Variants in OR6Y1 observed in about 807,000 individuals in gnomAD.
OR6Y1 encodes olfactory receptor 6Y1.
OR6Y1 carries 1 observed loss-of-function variant against 0.4 expected under a neutral mutation model. The ratio of observed to expected loss-of-function variants is 2.74; its 90% CI spans 0.97 to 13.02. OR6Y1 has a LOEUF of 13.02. OR6Y1 is among the 30% of genes most tolerant of loss of function. The pLI is 0.12. For synonymous variants in OR6Y1, 173 were observed against 141.1 expected, an observed-to-expected ratio of 1.23 and a Z score of -1.60; for missense variants, 480 against 399.8, an observed-to-expected ratio of 1.20 and a Z score of -1.71.
intron 1 of OR6Y1, among the ~76,000 whole-genome samples, chr1:158,551,406 G>T (rs1647701709): frequency 6.6e-6 from 1 of 151,452 alleles, no homozygotes. Context: ...TTTTTCCTCA[G>T]ATAAGGAAAT....
intron 1 of OR6Y1, among the ~76,000 whole-genome samples, chr1:158,552,601 G>T (rs934245505): frequency 6.6e-6 from 1 of 152,034 alleles, no homozygotes; most frequent in Non-Finnish European, 1.5e-5. Context: ...AAACGTATAT[G>T]GTCAAATTGC....
Position 158,545,967 on chromosome 1 carries a change from C to T in OR6Y1, c.*1161G>A, listed in dbSNP as rs1647518424. 6.6e-6 allele frequency: 1 copy of T among 152,182 alleles called. No individual in the cohort carries two copies. The highest frequency in any genetic ancestry group is 6.5e-5 in the Admixed American group (1 of 15,278). 9.4% of individuals were successfully genotyped at this position (152,182 alleles called of 1,614,324 possible). A position where few individuals can be genotyped will look rare whatever the true frequency, so the allele number is the denominator to read the frequency against. On this transcript the variant is annotated 3_prime_UTR_variant, in exon 2 of 2. Coordinates refer to ENST00000641622, the MANE Select transcript of OR6Y1 (RefSeq NM_001005189.2). ...AGTACTTGGGAGGGCCATACTCTCT[C>T]TCTCTCTTTCAGCTCTAGGCTAACA...
rs776028246 is a variant in OR6Y1 at position 158,547,552 on chromosome 1, T to G, written c.554A>C (p.Asp185Ala). The change falls in exon 2 of 2, where the codon GAT becomes GCT. Residue 185 changes from aspartate (D) to alanine (A), a missense_variant. Coordinates refer to ENST00000641622, the MANE Select transcript of OR6Y1 (RefSeq NM_001005189.2). ...GMPQINHYFC[D>A]ISPLLNVSCE... is the part of the protein sequence containing the mutation. ...GGAGACGTTAAGGAGTGGAGAGATA[T>G]CACAAAAGTAGTGATTGATCTGAGG... The G allele has an allele frequency of 3.1e-6, 5 of 1,613,294 alleles. No homozygotes were observed. Among genetic ancestry groups the G allele is most frequent in the Non-Finnish European group, 4.2e-6 (5 of 1,179,958 alleles).
Position 158,547,736 on chromosome 1 carries a change from C to G in OR6Y1, c.370G>C (p.Ala124Pro). The G allele has an allele frequency of 6.2e-7, 1 of 1,613,414 alleles. No individual in the cohort carries two copies. The highest frequency in any genetic ancestry group is 1.7e-4 in the Middle Eastern group (1 of 6,060). The stretch of plus-strand genomic sequence containing the variant: ...CAAATGGCTACATAGCGGTCAAAGG[C>G]CATGATAGCAAGAAGGATGTACTCA... Reference protein sequence around the residue: ...CTEYILLAIMAFDRYVAICNP... With the variant: ...CTEYILLAIMPFDRYVAICNP... The change falls in exon 2 of 2, where the codon GCC becomes CCC. Residue 124 changes from alanine (A) to proline (P), a missense_variant. By Grantham distance (27) the Ala-to-Pro change is conservative. Coordinates refer to ENST00000641622, the MANE Select transcript of OR6Y1 (RefSeq NM_001005189.2).
Position 158,547,795 on chromosome 1 carries a change from G to A in OR6Y1, c.311C>T (p.Thr104Ile), listed in dbSNP as rs55665765. Residue 104 changes from threonine (T) to isoleucine (I), a missense_variant, in exon 2 of 2, where the codon ACT (threonine) becomes ATT (isoleucine). Coordinates refer to ENST00000641622, the MANE Select transcript of OR6Y1 (RefSeq NM_001005189.2). ...AAAGGTCACAAAAAAGTAAAGTTGA[G>A]TCATGCAGCCATTGAAGGAAATACT... ...DKSISFNGCM[T>I]QLYFFVTFVC... 6,725 of 1,613,398 alleles carry A rather than the reference G, an allele frequency of 4.2e-3. 409 individuals carry two copies. In the African/African-American group the frequency reaches 0.079, roughly 19 times the overall value.
In OR6Y1 at chr1:158,547,617, A is replaced by G; in HGVS notation, c.489T>C (p.Ile163=). The G allele has an allele frequency of 6.2e-7, 1 of 1,613,292 alleles. No individual in the cohort carries two copies. The highest frequency in any genetic ancestry group is 1.1e-5 in the South Asian group (1 of 91,058). The change falls in exon 2 of 2, where the codon ATT becomes ATC. Residue 163 remains isoleucine (I), a synonymous_variant. Transcript: ENST00000641622. ...CWFCGLMTAM[I]KMVFIAQLHY... is the part of the protein sequence containing the mutation. Reference sequence around the variant, plus strand: ...GAAGTTGTGCTATAAAAACCATCTTAATCATGGCAGTCATGAGTCCACAGA... The same window carrying G: ...GAAGTTGTGCTATAAAAACCATCTTGATCATGGCAGTCATGAGTCCACAGA...
rs909537074 is a variant in OR6Y1, at chr1:158,547,000, T to C, written c.*128A>G. ...GATTGTGTATACACACACACACACA[T>C]GCACACACACACAGAGGAGAGCAGT... On this transcript the variant is annotated 3_prime_UTR_variant, in exon 2 of 2. Coordinates refer to ENST00000641622, the MANE Select transcript of OR6Y1 (RefSeq NM_001005189.2). 4.7e-5 allele frequency: 39 copies of C among 838,382 alleles called. No individual in the cohort carries two copies. The highest frequency in any genetic ancestry group is 8.5e-5 in the South Asian group (5 of 58,666). The allele number at this position is 838,382 out of a possible 1,614,324, so 51.9% of individuals were successfully genotyped here.
chr1:158,549,836 T>A (rs200424315), intron 1 of OR6Y1, among the ~76,000 whole-genome samples: 4 of 40,050 alleles, frequency 1.0e-4, no homozygotes, highest in Admixed American at 8.5e-4. Flanking sequence ...TTTAAAAAAA[T>A]ATCTTTGAGT....
rs1280713078 is a variant in OR6Y1, at chr1:158,545,245, G to A, written c.*1883C>T. The A allele has an allele frequency of 6.9e-6, 1 of 145,334 alleles. No homozygotes were observed. Among genetic ancestry groups the A allele is most frequent in the African/African-American group, 2.6e-5 (1 of 39,038 alleles). The allele number at this position is 145,334 out of a possible 1,614,324, so 9.0% of individuals were successfully genotyped here. On this transcript the variant is annotated 3_prime_UTR_variant, in exon 2 of 2. Transcript: ENST00000641622. ...ATAGCCATTTGGAGTGGTGTTAGAT[G>A]GTAACAAAATTAGACGTTACTTCAC... is the stretch of plus-strand genomic sequence containing the variant.
At position 158,548,799 on chromosome 1, in the gene OR6Y1, T is replaced by C. The variant is rs1485051318; in HGVS notation, c.-694A>G. The C allele has an allele frequency of 6.6e-6, 1 of 151,900 alleles. No individual in the cohort carries two copies. The highest frequency in any genetic ancestry group is 2.4e-5 in the African/African-American group (1 of 41,142). The allele number at this position is 151,900 out of a possible 1,614,324, so 9.4% of individuals were successfully genotyped here. A position where few individuals can be genotyped will look rare whatever the true frequency, so the allele number is the denominator to read the frequency against. Reference sequence around the variant, plus strand: ...GTGCATTCAAATCCAACTTTTGTCTTTGTATAGCTAAGTGAGAGTACCACA... The same window carrying C: ...GTGCATTCAAATCCAACTTTTGTCTCTGTATAGCTAAGTGAGAGTACCACA... On this transcript the variant is annotated 5_prime_UTR_variant, in exon 2 of 2. Coordinates refer to ENST00000641622, the MANE Select transcript of OR6Y1 (RefSeq NM_001005189.2).
At position 158,547,311 on chromosome 1, in the gene OR6Y1, G is replaced by T. The variant is rs1647568631; in HGVS notation, c.795C>A (p.Ala265=). 1.2e-6 allele frequency: 2 copies of T among 1,613,558 alleles called. No homozygotes were observed. The highest frequency in any genetic ancestry group is 4.5e-5 in the East Asian group (2 of 44,874). The change falls in exon 2 of 2, where the codon GCC becomes GCA. Residue 265 remains alanine (A), a synonymous_variant. Coordinates refer to ENST00000641622, the MANE Select transcript of OR6Y1 (RefSeq NM_001005189.2). Reference sequence around the variant, plus strand: ...TGTAGGCATACATGAGTTTGGGACGGGCATAGGTGAAAAGTGTCATGGAAT... The same window carrying T: ...TGTAGGCATACATGAGTTTGGGACGTGCATAGGTGAAAAGTGTCATGGAAT... ...LFYSMTLFTY[A]RPKLMYAYNS...
At position 158,548,184 on chromosome 1, in the gene OR6Y1, C is replaced by T; in HGVS notation, c.-79G>A. The T allele has an allele frequency of 2.8e-6, 4 of 1,410,270 alleles. No individual in the cohort carries two copies. Among genetic ancestry groups the T allele is most frequent in the Non-Finnish European group, 3.8e-6 (4 of 1,046,926 alleles). The allele number at this position is 1,410,270 out of a possible 1,614,324, so 87.4% of individuals were successfully genotyped here. Reference sequence around the variant, plus strand: ...CTATGGTTATTTGTATTGATAGAGCCCACCACCAGCAAATTTATCACAATA... The same window carrying T: ...CTATGGTTATTTGTATTGATAGAGCTCACCACCAGCAAATTTATCACAATA... On this transcript the variant is annotated 5_prime_UTR_variant, in exon 2 of 2. Coordinates refer to ENST00000641622, the MANE Select transcript of OR6Y1 (RefSeq NM_001005189.2).
At position 158,547,233 on chromosome 1, in the gene OR6Y1, G is replaced by T. The variant is rs777331640; in HGVS notation, c.873C>A (p.Asn291Lys). 2.5e-6 allele frequency: 4 copies of T among 1,613,670 alleles called. No individual in the cohort carries two copies. The East Asian group carries it at 6.7e-5, about 27-fold the overall frequency. Residue 291 changes from asparagine to lysine, a missense_variant, in exon 2 of 2, where the codon AAC becomes AAA. Coordinates refer to ENST00000641622, the MANE Select transcript of OR6Y1 (RefSeq NM_001005189.2). The stretch of plus-strand genomic sequence containing the variant: ...GGTTCCTCAGACAGTAAATGATGGG[G>T]TTGAGGAGTGGAACAATGACAGTGT... ...VLYTVIVPLLNPIIYCLRNHE... is the reference protein window; with the variant it reads ...VLYTVIVPLLKPIIYCLRNHE...
rs765364129 is a variant in OR6Y1, at chr1:158,547,095, T to C, written c.*33A>G. 6.3e-7 allele frequency: 1 copy of C among 1,584,176 alleles called. No homozygotes were observed. The highest frequency in any genetic ancestry group is 1.2e-5 in the South Asian group (1 of 84,590). On this transcript the variant is annotated 3_prime_UTR_variant, in exon 2 of 2. Transcript: ENST00000641622. ...GGGGAAAGTGTGTAGTGATCATCTC[T>C]CAGTTCAAGCCTGAAAGGAATCTAT...
In OR6Y1 at chr1:158,547,702, AG is replaced by A; in HGVS notation, c.403del (p.Leu135TyrfsTer7). 6.2e-7 allele frequency: 1 copy of A among 1,613,588 alleles called. No individual in the cohort carries two copies. On this transcript the variant is annotated frameshift_variant, in exon 2 of 2. Transcript: ENST00000641622. LOFTEE classifies it low-confidence loss of function (END_TRUNC). ...GTTGGTCATGATGACTGGGTAGCGT[AG>A]TGGATTACAAATGGCTACATAGCGG... ...FDRYVAICNP[L>X]RYPVIMTNQL...
At chr1:158,551,692 C>A (rs1199500111) in intron 1 of OR6Y1, among the ~76,000 whole-genome samples, 2 of 151,132 alleles carry the variant, frequency 1.3e-5, no homozygotes, top group Non-Finnish European at 2.9e-5. Flanking sequence ...ATGATTTTCT[C>A]AAAAAATATA....
At position 158,548,343 on chromosome 1, in the gene OR6Y1, G is replaced by T; in HGVS notation, c.-238C>A. On this transcript the variant is annotated 5_prime_UTR_variant, in exon 2 of 2. Coordinates refer to ENST00000641622, the MANE Select transcript of OR6Y1 (RefSeq NM_001005189.2). ...TTCTCAAGAGCAGTAACTTGTCCAAGGTCATACAAAATAGAGTTTATAACT... is the reference window on the plus strand; with the variant it reads ...TTCTCAAGAGCAGTAACTTGTCCAATGTCATACAAAATAGAGTTTATAACT... 2.2e-6 allele frequency: 1 copy of T among 464,130 alleles called. No individual in the cohort carries two copies. The highest frequency in any genetic ancestry group is 3.6e-5 in the East Asian group (1 of 27,406). 28.8% of individuals were successfully genotyped at this position (464,130 alleles called of 1,614,324 possible).
In OR6Y1 at chr1:158,548,532, G is replaced by C. The variant is rs1371211748; in HGVS notation, c.-427C>G. 6.2e-6 allele frequency: 1 copy of C among 162,334 alleles called. No individual in the cohort carries two copies. The highest frequency in any genetic ancestry group is 1.3e-5 in the Non-Finnish European group (1 of 74,388). 10.1% of individuals were successfully genotyped at this position (162,334 alleles called of 1,614,324 possible). On this transcript the variant is annotated 5_prime_UTR_variant, in exon 2 of 2. Transcript: ENST00000641622. ...TCTAGGGGCAATTTGGGTGACTCTG[G>C]AGTGGTTGCATGACCCCACTTATCT...
Position 158,547,677 on chromosome 1 carries a change from G to A in OR6Y1, c.429C>T (p.Asn143=). ...NPLRYPVIMT[N]QLCGTLAGGC... is the part of the protein sequence containing the mutation. The stretch of plus-strand genomic sequence containing the variant: ...CTCCAGCCAGTGTGCCACAGAGCTG[G>A]TTGGTCATGATGACTGGGTAGCGTA... The change falls in exon 2 of 2, where the codon AAC becomes AAT. Residue 143 remains asparagine (N), a synonymous_variant. Coordinates refer to ENST00000641622, the MANE Select transcript of OR6Y1 (RefSeq NM_001005189.2). The A allele has an allele frequency of 6.2e-7, 1 of 1,613,596 alleles. No homozygotes were observed.
Sources: gnomAD v4.1 joint callset for allele counts (sites outside exome capture counted in the v4.1 genomes callset) on GRCh38, gnomAD v4.1.1 for gene constraint, MANE v1.5 for transcripts, NCBI Gene and HGNC (gene_info 2026-07-23, HGNC 2026-07-21) for gene names.